Variants in GDA observed in about 807,000 individuals in gnomAD.
GDA encodes the protein guanine deaminase.
Under a neutral mutation model 59.6 loss-of-function variants are expected in GDA, and 18 were observed. That is an observed-to-expected ratio of 0.30 (90% CI 0.21 to 0.45). The LOEUF (loss-of-function observed/expected upper bound fraction) is 0.45, where lower values mean the gene tolerates loss of function less well. GDA is among the 20% of genes least tolerant of loss of function. The pLI is 1.00. For missense variants in GDA, 427 were observed against 552.3 expected (o/e 0.77, Z 2.27); for synonymous variants, 201 against 201.1 (o/e 1.00, Z 0.00).
chr9:72,168,915 C>A (rs895218942), intron 1 of GDA, among the ~76,000 whole-genome samples: 26 of 152,164 alleles, frequency 1.7e-4, no homozygotes, highest in African/African-American at 5.8e-4. Context: ...CATTTAACAG[C>A]TCTCATATGG....
intron 9 of GDA, among the ~76,000 whole-genome samples, chr9:72,230,503 T>A (rs201270360): frequency 0.096 from 13,097 of 136,360 alleles, 645 homozygotes; most frequent in African/African-American, 0.11. Context: ...AAAAAAAAAA[T>A]ATATATATAT....
intron 1 of GDA, among the ~76,000 whole-genome samples, chr9:72,174,193 G>A (rs1395710796): frequency 6.6e-6 from 1 of 152,194 alleles, no homozygotes; most frequent in African/African-American, 2.4e-5. Context: ...TTTCTCATGT[G>A]TTAAGACTGT....
chr9:72,202,057 A>G (rs1204874997), intron 2 of GDA, among the ~76,000 whole-genome samples: 2 of 152,096 alleles, frequency 1.3e-5, no homozygotes, highest in African/African-American at 4.8e-5. Flanking sequence ...CACGTGGGAA[A>G]AGACTAGGTT....
intron 10 of GDA, among the ~76,000 whole-genome samples, chr9:72,235,800 G>A (rs1050228600): frequency 5.3e-5 from 8 of 151,476 alleles, no homozygotes; most frequent in Non-Finnish European, 1.2e-4. Context: ...TTTAAAGATA[G>A]GATACCTCCT....
Position 72,217,181 on chromosome 9 carries a change from G to A in GDA, c.579-2298G>A, listed in dbSNP as rs1245817994. Among the ~76,000 whole-genome samples, 3 of 152,324 alleles carry A rather than the reference G, an allele frequency of 2.0e-5. No homozygotes were observed. In the East Asian group the frequency reaches 5.8e-4, roughly 29 times the overall value. On this transcript the variant is annotated intron_variant, in intron 5 of 13. Coordinates refer to ENST00000358399, the MANE Select transcript of GDA (RefSeq NM_004293.5). ...AAAATAGCAGTATGTGGGTGAGATT[G>A]TGTTCATGTACATTTGTGTTTTCTA...
intron 1 of GDA, among the ~76,000 whole-genome samples, chr9:72,129,941 T>A (rs1825970053): frequency 6.6e-6 from 1 of 152,160 alleles, no homozygotes; most frequent in Non-Finnish European, 1.5e-5. Flanking sequence ...AAGACCAACC[T>A]TTGAGCCAGA....
At chr9:72,213,198 T>G (rs71505968) in intron 4 of GDA, among the ~76,000 whole-genome samples, 2,883 of 151,744 alleles carry the variant, frequency 0.019, 51 homozygotes, top group Admixed American at 0.03. Context: ...AACCAGGGAG[T>G]TGGAGGTTGC....
chr9:72,171,565 AT>A (rs938345678), intron 1 of GDA, among the ~76,000 whole-genome samples: 37 of 149,148 alleles, frequency 2.5e-4, no homozygotes, highest in Non-Finnish European at 3.9e-4. Flanking sequence ...TCCAGAAAAC[AT>A]TTTTTTTTTC....
chr9:72,167,020 G>A (rs1829398667), intron 1 of GDA, among the ~76,000 whole-genome samples: 1 of 152,136 alleles, frequency 6.6e-6, no homozygotes, highest in Admixed American at 6.6e-5. Flanking sequence ...TAGTTCCATA[G>A]ACAGGTTTTT....
At chr9:72,200,932 G>A (rs966121827) in intron 2 of GDA, among the ~76,000 whole-genome samples, 2 of 152,140 alleles carry the variant, frequency 1.3e-5, no homozygotes, top group Admixed American at 6.5e-5. Context: ...CGCCAAAGCT[G>A]ACTAGTTAAC....
At chr9:72,222,897 G>C (rs1837075276) in intron 6 of GDA, among the ~76,000 whole-genome samples, 1 of 152,092 alleles carries the variant, frequency 6.6e-6, no homozygotes, top group South Asian at 2.1e-4. Context: ...AGCAGAGACA[G>C]GGTTTCTCCA....
intron 3 of GDA, among the ~76,000 whole-genome samples, chr9:72,206,642 G>A (rs1429857952): frequency 2.0e-5 from 3 of 151,880 alleles, no homozygotes; most frequent in African/African-American, 4.8e-5. Flanking sequence ...GCATGGTGGC[G>A]GGTGCCTGTA....
At chr9:72,200,257 A>G (rs933078855) in intron 2 of GDA, among the ~76,000 whole-genome samples, 4 of 151,880 alleles carry the variant, frequency 2.6e-5, no homozygotes, top group Admixed American at 6.6e-5. Context: ...TGGCCTCCCA[A>G]AGTGCTGGGA....
At chr9:72,130,281 A>G (rs568504625) in intron 1 of GDA, among the ~76,000 whole-genome samples, 8 of 152,352 alleles carry the variant, frequency 5.3e-5, no homozygotes, top group Non-Finnish European at 8.8e-5. Flanking sequence ...ATATCTTTCA[A>G]TATCATTTAG....
intron 1 of GDA, among the ~76,000 whole-genome samples, chr9:72,184,114 T>A (rs77441976): frequency 0.017 from 2,632 of 152,260 alleles, 68 homozygotes; most frequent in African/African-American, 0.06. Flanking sequence ...AGCTTTCCCA[T>A]GTATCCCCTG....
At chr9:72,140,045 G>A (rs557979505) in intron 1 of GDA, among the ~76,000 whole-genome samples, 30 of 151,986 alleles carry the variant, frequency 2.0e-4, no homozygotes, top group South Asian at 4.2e-4. Flanking sequence ...GGAACCCCGC[G>A]TTCCCTACCC....
At chr9:72,178,620 G>T (rs1830812145) in intron 1 of GDA, among the ~76,000 whole-genome samples, 1 of 152,044 alleles carries the variant, frequency 6.6e-6, no homozygotes, top group African/African-American at 2.4e-5. Context: ...GTTTCACCAT[G>T]TTGGTCAGGC....
At chr9:72,137,651 A>G (rs1339667948) in intron 1 of GDA, among the ~76,000 whole-genome samples, 2 of 152,082 alleles carry the variant, frequency 1.3e-5, no homozygotes, top group African/African-American at 4.8e-5. Context: ...CTTACCCCAC[A>G]CTAAGGTTTT....
chr9:72,246,475 G>T (rs1477518971), intron 12 of GDA, among the ~76,000 whole-genome samples: 1 of 152,190 alleles, frequency 6.6e-6, no homozygotes, highest in African/African-American at 2.4e-5. Context: ...ATGTGACATA[G>T]GTGCCTTCAT....
Sources: gnomAD v4.1 joint callset for allele counts (sites outside exome capture counted in the v4.1 genomes callset) on GRCh38, gnomAD v4.1.1 for gene constraint, MANE v1.5 for transcripts, NCBI Gene and HGNC (gene_info 2026-07-23, HGNC 2026-07-21) for gene names.